The following RAB11FIP3 variants were observed in gnomAD, a reference collection of about 807,000 sequenced individuals.
The protein encoded by RAB11FIP3 is RAB11 family interacting protein 3, also known as rab11 family-interacting protein 3.
RAB11FIP3 carries 17 observed loss-of-function variants against 77.8 expected under a neutral mutation model. That is an observed-to-expected ratio of 0.22 (90% CI 0.15 to 0.33). The LOEUF (loss-of-function observed/expected upper bound fraction) is 0.33, where lower values mean the gene tolerates loss of function less well. Among genes scored for constraint, RAB11FIP3 ranks in the 10% least tolerant of loss-of-function variants. The pLI is 1.00. For synonymous variants in RAB11FIP3, 437 were observed against 448.2 expected, an observed-to-expected ratio of 0.98 and a Z score of 0.31; for missense variants, 1,005 against 1,011.2, an observed-to-expected ratio of 0.99 and a Z score of 0.08.
In RAB11FIP3 at chr16:520,553, T is replaced by G; in HGVS notation, c.2111T>G (p.Phe704Cys). ...QGAKSLFSTA[F>C]SESLAAEISS... ...GCCAAGAGCCTCTTCTCCACAGCCT[T>G]CTCTGAGTCCCTGGCTGCAGAGATC... Residue 704 changes from phenylalanine (F) to cysteine (C), a missense_variant, in exon 13 of 14, where the codon TTC becomes TGC. Phe to Cys is a radical substitution (Grantham distance 205, BLOSUM62 -2). Transcript: ENST00000262305. The G allele has an allele frequency of 6.2e-7, 1 of 1,613,610 alleles. No individual in the cohort carries two copies. The highest frequency in any genetic ancestry group is 8.5e-7 in the Non-Finnish European group (1 of 1,180,000).
At chr16:450,661 A>T (rs1022428590) in intron 1 of RAB11FIP3, among the ~76,000 whole-genome samples, 4 of 152,062 alleles carry the variant, frequency 2.6e-5, no homozygotes, top group African/African-American at 9.7e-5. Context: ...TTGTACAGGG[A>T]AGGGACCGAG....
intron 1 of RAB11FIP3, among the ~76,000 whole-genome samples, chr16:460,330 T>C (rs1483961174): frequency 6.6e-6 from 1 of 152,190 alleles, no homozygotes; most frequent in Non-Finnish European, 1.5e-5. Context: ...TTTTTATTTT[T>C]AAGTTTTGGG....
intron 3 of RAB11FIP3, among the ~76,000 whole-genome samples, chr16:480,755 C>T (rs2056023432): frequency 6.6e-6 from 1 of 151,848 alleles, no homozygotes; most frequent in Admixed American, 6.6e-5. Flanking sequence ...GCCTTGGCTT[C>T]CCAAAGTGCT....
At chr16:496,265 T>C (rs574030439) in intron 5 of RAB11FIP3, among the ~76,000 whole-genome samples, 1 of 152,338 alleles carries the variant, frequency 6.6e-6, no homozygotes, top group South Asian at 2.1e-4. Context: ...GAAGGTAAGT[T>C]TGGCCCATGT....
chr16:500,284 C>T (rs1254465351), intron 6 of RAB11FIP3, among the ~76,000 whole-genome samples: 1 of 152,238 alleles, frequency 6.6e-6, no homozygotes, highest in Non-Finnish European at 1.5e-5. Context: ...ACCTACTGCC[C>T]TGTGGGGCAG....
In RAB11FIP3 at chr16:514,242, C is replaced by T. The variant is rs2032309846; in HGVS notation, c.1640+3442C>T. Among the ~76,000 whole-genome samples, 1 of 152,240 alleles carries T rather than the reference C, an allele frequency of 6.6e-6. No individual in the cohort carries two copies. The highest frequency in any genetic ancestry group is 2.1e-4 in the South Asian group (1 of 4,826). The stretch of plus-strand genomic sequence containing the variant: ...CTCAGGCCGTCAGAGGCCCCTGCAG[C>T]CCCAGGTCAGCAACCTGCGGTCAGC... On this transcript the variant is annotated intron_variant, in intron 9 of 13. Transcript: ENST00000262305. The surrounding 1 kb of genome is among the most constrained non-coding windows in gnomAD (Gnocchi z 4.6).
At chr16:439,291 G>C (rs2055186295) in intron 1 of RAB11FIP3, 1 of 152,214 alleles carries the variant, frequency 6.6e-6, no homozygotes, top group Non-Finnish European at 1.5e-5. Context: ...CTGTCTTTCT[G>C]TCTGTTCATG....
At chr16:462,378 C>T (rs1357053205) in intron 2 of RAB11FIP3, among the ~76,000 whole-genome samples, 2 of 152,138 alleles carry the variant, frequency 1.3e-5, no homozygotes, top group African/African-American at 4.8e-5. Flanking sequence ...CTCACCTCTA[C>T]TAAAAATACA....
intron 9 of RAB11FIP3, among the ~76,000 whole-genome samples, chr16:518,714 G>A (rs772121660): frequency 7.9e-5 from 12 of 151,430 alleles, no homozygotes; most frequent in South Asian, 2.1e-4. Flanking sequence ...GACAGAGTGC[G>A]ACTCTGCCTC....
chr16:511,395 C>T (rs1196399240), intron 9 of RAB11FIP3, among the ~76,000 whole-genome samples: 5 of 121,268 alleles, frequency 4.1e-5, no homozygotes, highest in Admixed American at 3.4e-4. Context: ...GAGAGGTTCC[C>T]GACAGCCCGC....
chr16:516,638 A>T (rs1040228726), intron 9 of RAB11FIP3, among the ~76,000 whole-genome samples: 3 of 152,206 alleles, frequency 2.0e-5, no homozygotes, highest in Non-Finnish European at 4.4e-5. Context: ...GCACTTTGGG[A>T]GGCCGAGGCA....
intron 6 of RAB11FIP3, chr16:502,731 A>G (rs73481306): frequency 0.037 from 19,087 of 520,610 alleles, 539 homozygotes; most frequent in African/African-American, 0.11. Flanking sequence ...GACTGAGGTC[A>G]TGTTCTGTCA....
At position 520,787 on chromosome 16, in the gene RAB11FIP3, G is replaced by A. The variant is rs757447516; in HGVS notation, c.2219G>A (p.Arg740Lys). Residue 740 changes from arginine (R) to lysine (K), a missense_variant, in exon 14 of 14, where the codon AGG (arginine) becomes AAG (lysine). By Grantham distance (26) the Arg-to-Lys change is conservative. Around this residue, in one of 4 missense-constraint regions of RAB11FIP3, gnomAD observed 90 missense variants for 129.7 expected, o/e 0.69. Transcript: ENST00000262305. ...INFRLQDYID[R>K]IIVAIMETNP... Reference sequence around the variant, plus strand: ...TTCCGCCTGCAGGACTACATCGACAGGATCATCGTGGCCATCATGGAGACC... The same window carrying A: ...TTCCGCCTGCAGGACTACATCGACAAGATCATCGTGGCCATCATGGAGACC... The A allele has an allele frequency of 2.5e-6, 4 of 1,613,824 alleles. No homozygotes were observed. In the South Asian group the frequency reaches 3.3e-5, roughly 13 times the overall value.
chr16:438,515 C>T (rs1395377620), intron 1 of RAB11FIP3, among the ~76,000 whole-genome samples: 2 of 149,570 alleles, frequency 1.3e-5, no homozygotes, highest in African/African-American at 5.0e-5. Context: ...AAGTAATTCT[C>T]CTGCCTCAGC....
At chr16:440,889 T>C (rs920306191) in intron 1 of RAB11FIP3, among the ~76,000 whole-genome samples, 7 of 151,916 alleles carry the variant, frequency 4.6e-5, no homozygotes, top group Admixed American at 2.0e-4. Context: ...CCCACCCTCT[T>C]GCTCCTTCAG....
Position 461,753 on chromosome 16 carries a change from T to C in RAB11FIP3, c.808+256T>C, listed in dbSNP as rs1365388985. Among the ~76,000 whole-genome samples, 1 of 152,192 alleles carries C rather than the reference T, an allele frequency of 6.6e-6. No individual in the cohort carries two copies. The highest frequency in any genetic ancestry group is 2.4e-5 in the African/African-American group (1 of 41,444). ...AAGCAACTGCCCCCTTCCTCAAAGA[T>C]TTCATGATGACAATTTGAGAATTTT... On this transcript the variant is annotated intron_variant, in intron 2 of 13. Coordinates refer to ENST00000262305, the MANE Select transcript of RAB11FIP3 (RefSeq NM_014700.4). This position sits in a 1 kb window ranked among gnomAD's most constrained non-coding sequence, Gnocchi z 4.5.
Position 471,655 on chromosome 16 carries a change from C to T in RAB11FIP3, c.903+266C>T, listed in dbSNP as rs2055811390. 6.6e-6 allele frequency among the ~76,000 whole-genome samples: 1 copy of T among 152,204 alleles called. No individual in the cohort carries two copies. Among genetic ancestry groups the T allele is most frequent in the East Asian group, 1.9e-4 (1 of 5,176 alleles). On this transcript the variant is annotated intron_variant, in intron 3 of 13. Coordinates refer to ENST00000262305, the MANE Select transcript of RAB11FIP3 (RefSeq NM_014700.4). This position sits in a 1 kb window ranked among gnomAD's most constrained non-coding sequence, Gnocchi z 4.4. The stretch of plus-strand genomic sequence containing the variant: ...GTGGGGTGGGCAGTGATGTCATGAC[C>T]ACCCGCTGCCAGGCTGGCAGGCACA...
At chr16:512,060 G>A (rs2032204348) in intron 9 of RAB11FIP3, among the ~76,000 whole-genome samples, 2 of 152,304 alleles carry the variant, frequency 1.3e-5, no homozygotes, top group Non-Finnish European at 2.9e-5. Flanking sequence ...CAGTGGCTAG[G>A]AATAACCTGA....
Position 489,330 on chromosome 16 carries a change from G to A in RAB11FIP3, c.1265+330G>A, listed in dbSNP as rs569613829. On this transcript the variant is annotated intron_variant, in intron 5 of 13. Coordinates refer to ENST00000262305, the MANE Select transcript of RAB11FIP3 (RefSeq NM_014700.4). ...ATGGTGGTCTGTGCAGGCTTTTGAG[G>A]GAGGCCTCATGATCATAAGTGAGTC... Among the ~76,000 whole-genome samples, 12 of 152,274 alleles carry A rather than the reference G, an allele frequency of 7.9e-5. No individual in the cohort carries two copies. In the South Asian group the frequency reaches 2.3e-3, roughly 29 times the overall value.
Sources: gnomAD v4.1 joint callset for allele counts (sites outside exome capture counted in the v4.1 genomes callset) on GRCh38, gnomAD v4.1.1 for gene constraint, gnomAD v4.1.1 regional missense constraint, Gnocchi (gnomAD v3.1) non-coding constraint, MANE v1.5 for transcripts, NCBI Gene and HGNC (gene_info 2026-07-23, HGNC 2026-07-21) for gene names.